The following SFTPA2 variants were observed in gnomAD, a reference collection of about 807,000 sequenced individuals.
The protein encoded by SFTPA2 is pulmonary surfactant-associated protein A2.
A neutral mutation model predicts 20.3 loss-of-function variants in SFTPA2; 21 were observed. The ratio of observed to expected loss-of-function variants is 1.03; its 90% confidence interval spans 0.73 to 1.49. The LOEUF is 1.49. Ranked by LOEUF, SFTPA2 falls within the 40% of genes most tolerant of loss-of-function variation. SFTPA2 has a pLI of 0.00. For synonymous variants in SFTPA2, 116 were observed against 118.7 expected, an observed-to-expected ratio of 0.98 and a Z score of 0.15; for missense variants, 302 against 314.8, an observed-to-expected ratio of 0.96 and a Z score of 0.31.
At position 79,558,904 on chromosome 10, in the gene SFTPA2, C is replaced by T; in HGVS notation, c.274G>A (p.Gly92Ser). ...TGCTCACCTGGAGGGCCTCTCTCGC[C>T]AGCCTCCCCCTTCTCTCCACGCTCT... is the stretch of plus-strand genomic sequence containing the variant. Reference protein sequence around the residue: ...PGERGEKGEAGERGPPGLPAH... With the variant: ...PGERGEKGEASERGPPGLPAH... Residue 92 changes from glycine (G) to serine (S), a missense_variant, in exon 4 of 6, where the codon GGC becomes AGC. Gly to Ser is a moderately conservative substitution (Grantham distance 56). This residue lies in a region of SFTPA2 where 264 missense variants were observed against 261.7 expected (regional missense o/e 1.01). Coordinates refer to ENST00000372325, the MANE Select transcript of SFTPA2 (RefSeq NM_001098668.4). 6.2e-7 allele frequency: 1 copy of T among 1,614,102 alleles called. No homozygotes were observed. Among genetic ancestry groups the T allele is most frequent in the Non-Finnish European group, 8.5e-7 (1 of 1,180,022 alleles).
chr10:79,558,851 A>G (rs1858984671), intron 4 of SFTPA2, 35 bp downstream of exon 4: 7 of 1,613,862 alleles, frequency 4.3e-6, no homozygotes, highest in Non-Finnish European at 5.9e-6. Context: ...CGCTGTGCCC[A>G]TGTTTCCACT....
chr10:79,559,614 C>T (rs912149640), intron 2 of SFTPA2, 108 bp from the exon 3 acceptor site: 239 of 1,582,966 alleles, frequency 1.5e-4, no homozygotes, highest in East Asian at 1.6e-4. Flanking sequence ...GCAGGGCGGG[C>T]GAGACCAGAG....
Position 79,559,332 on chromosome 10 carries a change from T to C in SFTPA2, c.152A>G (p.Lys51Arg). ...AGTACCTGGAGGGCCAGGGTCTCCT[T>C]TGACACCATCTCTCCCGTCCCTGCC... Reference protein sequence around the residue: ...LPGRDGRDGVKGDPGPPGPMG... With the variant: ...LPGRDGRDGVRGDPGPPGPMG... The change falls in exon 3 of 6, where the codon AAA (lysine) becomes AGA (arginine). Residue 51 changes from lysine to arginine, a missense_variant. By Grantham distance (26) the Lys-to-Arg change is conservative. Around this residue, in one of 3 missense-constraint regions of SFTPA2, gnomAD observed 264 missense variants for 261.7 expected, o/e 1.01. Transcript: ENST00000372325. 6.2e-7 allele frequency: 1 copy of C among 1,613,772 alleles called. No homozygotes were observed. Among genetic ancestry groups the C allele is most frequent in the Non-Finnish European group, 8.5e-7 (1 of 1,179,806 alleles).
intron 4 of SFTPA2, among the ~76,000 whole-genome samples, chr10:79,558,485 G>A (rs902425679): frequency 4.6e-5 from 7 of 152,018 alleles, no homozygotes; most frequent in African/African-American, 9.7e-5. Context: ...CTTGCTTACC[G>A]CTCTGAGCTT....
intron 1 of SFTPA2, 21 bp from the exon 2 acceptor site, chr10:79,560,019 A>C (rs984933586): frequency 2.6e-6 from 3 of 1,141,512 alleles, no homozygotes; most frequent in Non-Finnish European, 3.2e-6. Context: ...AAAGAGATGA[A>C]TAGGGCCCAC....
rs557283120 is a variant in SFTPA2 at position 79,557,149 on chromosome 10, C to T, written c.*60G>A. 3.1e-6 allele frequency: 5 copies of T among 1,613,696 alleles called. No individual in the cohort carries two copies. In the South Asian group the frequency reaches 4.4e-5, roughly 14 times the overall value. On this transcript the variant is annotated 3_prime_UTR_variant, in exon 6 of 6. Coordinates refer to ENST00000372325, the MANE Select transcript of SFTPA2 (RefSeq NM_001098668.4). ...CTAGCATCTCACAGACCAAGTGGAT[C>T]CTGGGGATGGAAACTGAAGGCCAGA...
intron 4 of SFTPA2, 34 bp from the exon 5 acceptor site, chr10:79,558,163 G>A: frequency 6.2e-7 from 1 of 1,613,838 alleles, no homozygotes; most frequent in Non-Finnish European, 8.5e-7. Flanking sequence ...AGGAGGGGCA[G>A]GCCAGTGAAG....
Position 79,557,046 on chromosome 10 carries a change from G to C in SFTPA2, c.*163C>G, listed in dbSNP as rs1858823887. ...GGTCAGTGATTATGGGGAAGAGTCA[G>C]GGCCCATCAGGGGAATGAAGTGGCT... On this transcript the variant is annotated 3_prime_UTR_variant, in exon 6 of 6. Coordinates refer to ENST00000372325, the MANE Select transcript of SFTPA2 (RefSeq NM_001098668.4). 11 of 1,193,000 alleles carry C rather than the reference G, an allele frequency of 9.2e-6. No homozygotes were observed. Among genetic ancestry groups the C allele is most frequent in the Middle Eastern group, 2.4e-4 (1 of 4,244 alleles). The allele number at this position is 1,193,000 out of a possible 1,614,324, so 73.9% of individuals were successfully genotyped here. A position where few individuals can be genotyped will look rare whatever the true frequency, so the allele number is the denominator to read the frequency against.
chr10:79,559,073 G>A (rs1859012923), intron 3 of SFTPA2, 68 bp from the exon 4 acceptor site: 4 of 1,613,646 alleles, frequency 2.5e-6, no homozygotes, highest in South Asian at 1.1e-5. Context: ...AGTGAGACTC[G>A]ATGCCCATTA....
intron 4 of SFTPA2, 135 bp downstream of exon 4, chr10:79,558,751 A>G: frequency 6.8e-7 from 1 of 1,478,208 alleles, no homozygotes; most frequent in Non-Finnish European, 9.4e-7. Context: ...CCTCAAATTC[A>G]TATTCTCTTA....
Position 79,558,105 on chromosome 10 carries a change from T to C in SFTPA2, c.317A>G (p.Glu106Gly). The change falls in exon 5 of 6, where the codon GAG becomes GGG. Residue 106 changes from glutamate (E) to glycine (G), a missense_variant. This residue lies in a region of SFTPA2 where 264 missense variants were observed against 261.7 expected (regional missense o/e 1.01). Coordinates refer to ENST00000372325, the MANE Select transcript of SFTPA2 (RefSeq NM_001098668.4). ...PPGLPAHLDE[E>G]LQATLHDFRH... The stretch of plus-strand genomic sequence containing the variant: ...GAAGTCGTGGAGTGTGGCTTGGAGC[T>C]CCTCATCTAGATGAGCTGGAAGCCC... 6.2e-7 allele frequency: 1 copy of C among 1,613,954 alleles called. No individual in the cohort carries two copies. Among genetic ancestry groups the C allele is most frequent in the South Asian group, 1.1e-5 (1 of 91,054 alleles).
At chr10:79,559,026 G>A in intron 3 of SFTPA2, 21 bp from the exon 4 acceptor site, 1 of 1,614,168 alleles carries the variant, frequency 6.2e-7, no homozygotes, top group Non-Finnish European at 8.5e-7. Flanking sequence ...AAGAGACATG[G>A]ATGTGTAGGA....
intron 2 of SFTPA2, 97 bp downstream of exon 2, chr10:79,559,872 G>A (rs949732415): frequency 7.3e-7 from 1 of 1,375,256 alleles, no homozygotes; most frequent in Non-Finnish European, 9.5e-7. Context: ...TCCATGCTCT[G>A]CAGAAAACCT....
intron 4 of SFTPA2, among the ~76,000 whole-genome samples, chr10:79,558,483 C>T (rs1858942992): frequency 6.6e-6 from 1 of 152,088 alleles, no homozygotes; most frequent in Admixed American, 6.5e-5. Context: ...GACTTGCTTA[C>T]CGCTCTGAGC....
At position 79,558,972 on chromosome 10, in the gene SFTPA2, G is replaced by A. The variant is rs745597387; in HGVS notation, c.206C>T (p.Pro69Leu). The A allele has an allele frequency of 6.2e-7, 1 of 1,614,138 alleles. No individual in the cohort carries two copies. The highest frequency in any genetic ancestry group is 8.5e-7 in the Non-Finnish European group (1 of 1,180,030). ...PMGPPGETPCPPGNNGLPGAP... is the reference protein window; with the variant it reads ...PMGPPGETPCLPGNNGLPGAP... ...TCCAGGCAGCCCATTATTCCCAGGAGGACATGGTGTTTCTCCAGGCGGACC... is the reference window on the plus strand; with the variant it reads ...TCCAGGCAGCCCATTATTCCCAGGAAGACATGGTGTTTCTCCAGGCGGACC... Residue 69 changes from proline to leucine, a missense_variant, in exon 4 of 6, where the codon CCT becomes CTT. Transcript: ENST00000372325.
In SFTPA2 at chr10:79,556,953, A is replaced by G; in HGVS notation, c.*256T>C. 1.6e-6 allele frequency: 1 copy of G among 611,830 alleles called. No homozygotes were observed. The highest frequency in any genetic ancestry group is 2.9e-5 in the East Asian group (1 of 34,388). 37.9% of individuals were successfully genotyped at this position (611,830 alleles called of 1,614,324 possible). A position where few individuals can be genotyped will look rare whatever the true frequency, so the allele number is the denominator to read the frequency against. On this transcript the variant is annotated 3_prime_UTR_variant, in exon 6 of 6. Transcript: ENST00000372325. ...TAAGGAGGCCTCCATCTCATGCCAA[A>G]GGCCAAGGCTAGGAGTGGCTGCCTG...
rs1469140828 is a variant in SFTPA2 at position 79,558,140 on chromosome 10, T to A, written c.293-11A>T. ...GATGAGCTGGAAGCCCTGTGGAGAG[T>A]GCCCCACACAGAAGGAGGGGCAGGC... On this transcript the variant is annotated splice_polypyrimidine_tract_variant and intron_variant, in intron 4 of 5. Coordinates refer to ENST00000372325, the MANE Select transcript of SFTPA2 (RefSeq NM_001098668.4). 1.2e-6 allele frequency: 2 copies of A among 1,613,776 alleles called. No homozygotes were observed. Among genetic ancestry groups the A allele is most frequent in the East Asian group, 4.5e-5 (2 of 44,842 alleles).
chr10:79,557,295 T>A lies in SFTPA2; in HGVS notation c.661A>T (p.Lys221Ter), dbSNP rs959554676. ...GTGTACATCTCCACACACTGCTCTT[T>A]TCCCCGACCTGCAGGCTCCCCTCGG... ...WYRGEPAGRG[K>*]EQCVEMYTDG... is the part of the protein sequence containing the mutation. The change falls in exon 6 of 6, where the codon AAA (lysine) becomes TAA (stop). Residue 221 changes from lysine (K) to a stop codon, truncating the protein, a stop_gained. Coordinates refer to ENST00000372325, the MANE Select transcript of SFTPA2 (RefSeq NM_001098668.4). LOFTEE classifies it high-confidence loss of function. The A allele has an allele frequency of 6.2e-7, 1 of 1,614,078 alleles. No homozygotes were observed. The highest frequency in any genetic ancestry group is 8.5e-7 in the Non-Finnish European group (1 of 1,180,034).
intron 5 of SFTPA2, 21 bp from the exon 6 acceptor site, chr10:79,557,606 G>A (rs923117803): frequency 8.2e-6 from 13 of 1,589,012 alleles, no homozygotes; most frequent in Middle Eastern, 1.8e-4. Context: ...AGGAGTCCAG[G>A]TCAGGCCACT....
Sources: allele counts gnomAD v4.1 joint callset (sites outside exome capture counted in the v4.1 genomes callset), GRCh38; gene constraint gnomAD v4.1.1; regional missense constraint gnomAD v4.1.1; transcripts MANE v1.5; gene names NCBI Gene and HGNC (gene_info 2026-07-23, HGNC 2026-07-21).